Variants in NPR2 observed in about 807,000 individuals in gnomAD.
The protein encoded by NPR2 is natriuretic peptide receptor 2, also known as atrial natriuretic peptide receptor 2.
Under a neutral mutation model 120.7 loss-of-function variants are expected in NPR2, and 49 were observed. That is an observed-to-expected ratio of 0.41 (90% CI 0.32 to 0.52). NPR2 has a LOEUF of 0.52. Among genes scored for constraint, NPR2 ranks in the 20% least tolerant of loss-of-function variants. The pLI is 0.36. For missense variants in NPR2, 931 were observed against 1,362.9 expected, an observed-to-expected ratio of 0.68 and a Z score of 4.99; for synonymous variants, 484 against 519.8, an observed-to-expected ratio of 0.93 and a Z score of 0.94.
At position 35,800,814 on chromosome 9, in the gene NPR2, G is replaced by A. The variant is rs1331619875; in HGVS notation, c.1324G>A (p.Asp442Asn). ...PPSDNPPCAF[D>N]LDDPSCDKTP... is the part of the protein sequence containing the mutation. ...CTCGGACAATCCCCCCTGTGCCTTT[G>A]ACTTGGACGACCCATCCTGTGATAA... The change falls in exon 6 of 22, where the codon GAC becomes AAC. Residue 442 changes from aspartate (D) to asparagine (N), a missense_variant. Physicochemically the swap from Asp to Asn is conservative, Grantham distance 23. Coordinates refer to ENST00000342694, the MANE Select transcript of NPR2 (RefSeq NM_003995.4). The surrounding 1 kb of genome is among the most constrained non-coding windows in gnomAD (Gnocchi z 4.7). 1.3e-5 allele frequency: 21 copies of A among 1,614,158 alleles called. No homozygotes were observed. The highest frequency in any genetic ancestry group is 1.8e-5 in the Non-Finnish European group (21 of 1,180,026).
intron 18 of NPR2, chr9:35,807,951 C>T (rs747803346): frequency 1.3e-4 from 71 of 561,068 alleles, no homozygotes; most frequent in Non-Finnish European, 6.0e-5. Flanking sequence ...TGGAAAGTAC[C>T]TAACATTGTT....
intron 2 of NPR2, among the ~76,000 whole-genome samples, chr9:35,798,703 T>C (rs1324496251): frequency 6.6e-6 from 1 of 152,220 alleles, no homozygotes; most frequent in African/African-American, 2.4e-5. Context: ...CAGTTTCCTG[T>C]TGGAGCAGAA....
Position 35,806,367 on chromosome 9 carries a change from G to A in NPR2, c.2373-25G>A. The A allele has an allele frequency of 6.2e-7, 1 of 1,613,548 alleles. No homozygotes were observed. The highest frequency in any genetic ancestry group is 8.5e-7 in the Non-Finnish European group (1 of 1,179,502). Reference sequence around the variant, plus strand: ...GGGAATCTTCAGAATCTTAGAGCAAGTGCCTTATCCTGGCCTCCCTCTAGG... The same window carrying A: ...GGGAATCTTCAGAATCTTAGAGCAAATGCCTTATCCTGGCCTCCCTCTAGG... On this transcript the variant is annotated intron_variant, in intron 15 of 21. Coordinates refer to ENST00000342694, the MANE Select transcript of NPR2 (RefSeq NM_003995.4). The surrounding 1 kb of genome is among the most constrained non-coding windows in gnomAD (Gnocchi z 4.6).
chr9:35,801,707 T>G lies in NPR2; in HGVS notation c.1501T>G (p.Phe501Val). ...LWRIRWEELQ[F>V]GNSERYHKGA... is the part of the protein sequence containing the mutation. ...GCGTATTCGCTGGGAAGAACTGCAG[T>G]TTGGCAACTCAGAGCGTTATCACAA... The change falls in exon 8 of 22, where the codon TTT becomes GTT. Residue 501 changes from phenylalanine to valine, a missense_variant. Phe to Val is a conservative substitution (Grantham distance 50). Around this residue, in one of 3 missense-constraint regions of NPR2, gnomAD observed 681 missense variants for 974.3 expected, o/e 0.70. Coordinates refer to ENST00000342694, the MANE Select transcript of NPR2 (RefSeq NM_003995.4). 3 of 1,614,140 alleles carry G rather than the reference T, an allele frequency of 1.9e-6. No individual in the cohort carries two copies. The highest frequency in any genetic ancestry group is 2.5e-6 in the Non-Finnish European group (3 of 1,179,994).
chr9:35,805,418 A>C lies in NPR2; in HGVS notation c.1888-93A>C. ...AGCTTATTATTTTTGTGGACCCAAGATCTGTAGACAGCTAGCCAGTGCCCA... is the reference window on the plus strand; with the variant it reads ...AGCTTATTATTTTTGTGGACCCAAGCTCTGTAGACAGCTAGCCAGTGCCCA... On this transcript the variant is annotated intron_variant, in intron 12 of 21. Coordinates refer to ENST00000342694, the MANE Select transcript of NPR2 (RefSeq NM_003995.4). The surrounding 1 kb of genome is among the most constrained non-coding windows in gnomAD (Gnocchi z 4.9). The C allele has an allele frequency of 7.8e-7, 1 of 1,290,268 alleles. No individual in the cohort carries two copies. The highest frequency in any genetic ancestry group is 1.1e-6 in the Non-Finnish European group (1 of 886,604). 79.9% of individuals were successfully genotyped at this position (1,290,268 alleles called of 1,614,324 possible).
At chr9:35,799,839 G>C in intron 3 of NPR2, 108 bp downstream of exon 3, 1 of 1,365,248 alleles carries the variant, frequency 7.3e-7, no homozygotes, top group East Asian at 2.3e-5. Flanking sequence ...ACTTTGGGGG[G>C]TCTCCGCTTC....
At chr9:35,793,848 G>T in intron 1 of NPR2, 50 bp from the exon 2 acceptor site, 1 of 1,575,634 alleles carries the variant, frequency 6.3e-7, no homozygotes, top group South Asian at 1.1e-5. Flanking sequence ...GCTGTGTGGG[G>T]GACCTGGATA....
intron 1 of NPR2, 59 bp from the exon 2 acceptor site, chr9:35,793,839 C>T (rs543661516): frequency 3.8e-5 from 58 of 1,520,540 alleles, no homozygotes; most frequent in Non-Finnish European, 5.2e-5. Context: ...AGAGAGGGGG[C>T]TGTGTGGGGG....
rs576182435 is a variant in NPR2, at chr9:35,808,100, A to G, written c.2713-409A>G. The stretch of plus-strand genomic sequence containing the variant: ...ACATAGCTTTGGCACAATTACCAAA[A>G]TCAAATGCCTGCTTTCCTCCTCTCT... On this transcript the variant is annotated intron_variant, in intron 18 of 21. Coordinates refer to ENST00000342694, the MANE Select transcript of NPR2 (RefSeq NM_003995.4). This position sits in a 1 kb window ranked among gnomAD's most constrained non-coding sequence, Gnocchi z 4.0. 8.6e-6 allele frequency: 10 copies of G among 1,157,004 alleles called. No homozygotes were observed. The African/African-American group carries it at 1.1e-4, about 12-fold the overall frequency. The allele number at this position is 1,157,004 out of a possible 1,614,324, so 71.7% of individuals were successfully genotyped here. A position where few individuals can be genotyped will look rare whatever the true frequency, so the allele number is the denominator to read the frequency against.
In NPR2 at chr9:35,809,022, G is replaced by A. The variant is rs1828593150; in HGVS notation, c.2987-134G>A. ...TGCATTGGGAGGTTGGGCATATTTTGGTCCTAATAGATATGCATTGGGAGC... is the reference window on the plus strand; with the variant it reads ...TGCATTGGGAGGTTGGGCATATTTTAGTCCTAATAGATATGCATTGGGAGC... On this transcript the variant is annotated intron_variant, in intron 20 of 21. Coordinates refer to ENST00000342694, the MANE Select transcript of NPR2 (RefSeq NM_003995.4). The surrounding 1 kb of genome is among the most constrained non-coding windows in gnomAD (Gnocchi z 4.1). The A allele has an allele frequency of 2.0e-6, 2 of 993,082 alleles. No individual in the cohort carries two copies. Among genetic ancestry groups the A allele is most frequent in the Admixed American group, 3.4e-5 (2 of 59,022 alleles). 61.5% of individuals were successfully genotyped at this position (993,082 alleles called of 1,614,324 possible). A position where few individuals can be genotyped will look rare whatever the true frequency, so the allele number is the denominator to read the frequency against.
rs1827784354 is a variant in NPR2, at chr9:35,791,642, G to A, written c.-767G>A. ...GCGAGCGGAGACGGGCCGGGCCGAGGCGACCTGACCCGGACGAGCGGCGCG... is the reference window on the plus strand; with the variant it reads ...GCGAGCGGAGACGGGCCGGGCCGAGACGACCTGACCCGGACGAGCGGCGCG... On this transcript the variant is annotated 5_prime_UTR_variant, in exon 1 of 22. Transcript: ENST00000342694. Among the ~76,000 whole-genome samples the A allele has an allele frequency of 7.0e-6, 1 of 143,224 alleles. No homozygotes were observed. Among genetic ancestry groups the A allele is most frequent in the Non-Finnish European group, 1.5e-5 (1 of 65,132 alleles). 94.0% of individuals were successfully genotyped at this position (143,224 alleles called of 152,430 possible).
At position 35,802,380 on chromosome 9, in the gene NPR2, A is replaced by G; in HGVS notation, c.1710+97A>G. On this transcript the variant is annotated intron_variant, in intron 10 of 21. Coordinates refer to ENST00000342694, the MANE Select transcript of NPR2 (RefSeq NM_003995.4). The surrounding 1 kb of genome is among the most constrained non-coding windows in gnomAD (Gnocchi z 4.2). ...GGCTAGATGGGCAAGGGGTTGATTT[A>G]TAAATGATTTTAAAATCGTAGATAC... is the stretch of plus-strand genomic sequence containing the variant. 1.0e-6 allele frequency: 1 copy of G among 983,366 alleles called. No individual in the cohort carries two copies. Among genetic ancestry groups the G allele is most frequent in the Non-Finnish European group, 1.6e-6 (1 of 608,690 alleles). The allele number at this position is 983,366 out of a possible 1,614,324, so 60.9% of individuals were successfully genotyped here.
chr9:35,795,496 G>A (rs1827919775), intron 2 of NPR2, among the ~76,000 whole-genome samples: 1 of 152,158 alleles, frequency 6.6e-6, no homozygotes, highest in Non-Finnish European at 1.5e-5. Flanking sequence ...GTGTATAAGG[G>A]CTGGACCTGG....
Position 35,809,349 on chromosome 9 carries a change from A to C in NPR2, c.3079-31A>C. 6.2e-7 allele frequency: 1 copy of C among 1,613,724 alleles called. No individual in the cohort carries two copies. Among genetic ancestry groups the C allele is most frequent in the Non-Finnish European group, 8.5e-7 (1 of 1,179,670 alleles). On this transcript the variant is annotated intron_variant, in intron 21 of 21. Coordinates refer to ENST00000342694, the MANE Select transcript of NPR2 (RefSeq NM_003995.4). This position sits in a 1 kb window ranked among gnomAD's most constrained non-coding sequence, Gnocchi z 4.1. ...GAGACAAAGGGACTAACATCGAAGC[A>C]TCTGAATCATGTCCACTCTCCCACT...
At position 35,809,547 on chromosome 9, in the gene NPR2, A is replaced by G. The variant is rs1828647652; in HGVS notation, c.*102A>G. The G allele has an allele frequency of 1.3e-6, 2 of 1,593,134 alleles. No homozygotes were observed. The highest frequency in any genetic ancestry group is 1.1e-5 in the South Asian group (1 of 90,654). On this transcript the variant is annotated 3_prime_UTR_variant, in exon 22 of 22. Transcript: ENST00000342694. This position sits in a 1 kb window ranked among gnomAD's most constrained non-coding sequence, Gnocchi z 4.1. ...CCAGAAATGGACATTTTCATATGCA[A>G]TGGAAAACAGCCACAAAAAAACCTA...
chr9:35,804,758 C>G (rs1364110113), intron 12 of NPR2, among the ~76,000 whole-genome samples: 1 of 149,500 alleles, frequency 6.7e-6, no homozygotes, highest in Non-Finnish European at 1.5e-5. Flanking sequence ...CTCCTCTACC[C>G]CGACCTGCCC....
At position 35,806,732 on chromosome 9, in the gene NPR2, CCTT is replaced by C. The variant is rs1378272572; in HGVS notation, c.2519+201_2519+203del. ...GCTGCCTTCTTACTGGCTGCCCATC[CCTT>C]CTTCTTAAGACCCTGCTCTACCACA... On this transcript the variant is annotated intron_variant, in intron 16 of 21. Transcript: ENST00000342694. The surrounding 1 kb of genome is among the most constrained non-coding windows in gnomAD (Gnocchi z 4.6). Among the ~76,000 whole-genome samples the C allele has an allele frequency of 6.6e-6, 1 of 151,812 alleles. No homozygotes were observed. The highest frequency in any genetic ancestry group is 1.5e-5 in the Non-Finnish European group (1 of 67,784).
chr9:35,792,906 T>A lies in NPR2; in HGVS notation c.498T>A (p.Ala166=). 6.2e-7 allele frequency: 1 copy of A among 1,614,140 alleles called. No individual in the cohort carries two copies. Among genetic ancestry groups the A allele is most frequent in the Non-Finnish European group, 8.5e-7 (1 of 1,180,028 alleles). The part of the protein sequence containing the change: ...LHGHFNWTAR[A]ALLYLDARTD... Reference sequence around the variant, plus strand: ...GGCACTTCAATTGGACTGCCCGTGCTGCCTTGCTGTACCTGGATGCTCGCA... The same window carrying A: ...GGCACTTCAATTGGACTGCCCGTGCAGCCTTGCTGTACCTGGATGCTCGCA... Residue 166 remains alanine, a synonymous_variant, in exon 1 of 22, where the codon GCT becomes GCA. Coordinates refer to ENST00000342694, the MANE Select transcript of NPR2 (RefSeq NM_003995.4).
Position 35,808,259 on chromosome 9 carries a change from C to T in NPR2, c.2713-250C>T. 1 of 1,614,230 alleles carries T rather than the reference C, an allele frequency of 6.2e-7. No individual in the cohort carries two copies. The highest frequency in any genetic ancestry group is 8.5e-7 in the Non-Finnish European group (1 of 1,180,034). ...CTATTTGTCCATGTCCTGCTGCAGA[C>T]AGGGTGTTCATTCATTCCGCAAATG... On this transcript the variant is annotated intron_variant, in intron 18 of 21. Transcript: ENST00000342694. This position sits in a 1 kb window ranked among gnomAD's most constrained non-coding sequence, Gnocchi z 4.0.
Sources: gnomAD v4.1 joint callset for allele counts (sites outside exome capture counted in the v4.1 genomes callset) on GRCh38, gnomAD v4.1.1 for gene constraint, gnomAD v4.1.1 regional missense constraint, Gnocchi (gnomAD v3.1) non-coding constraint, MANE v1.5 for transcripts, NCBI Gene and HGNC (gene_info 2026-07-23, HGNC 2026-07-21) for gene names.